ARFGAP2: variants seen among roughly 807,000 people sequenced by gnomAD.
ARFGAP2 encodes ARF GTPase activating protein 2.
Under a neutral mutation model 71.9 loss-of-function variants are expected in ARFGAP2, and 45 were observed. The ratio of observed to expected loss-of-function variants is 0.63; its 90% CI spans 0.49 to 0.80. The LOEUF is 0.80. Ranked by LOEUF, ARFGAP2 falls within the 30% of genes least tolerant of loss-of-function variation. The pLI is 0.00. For missense variants in ARFGAP2, 633 were observed against 673.9 expected (o/e 0.94, Z 0.67); for synonymous variants, 248 against 249.2 (o/e 1.00, Z 0.05).
At chr11:47,175,668 G>C in intron 3 of ARFGAP2, 183 bp downstream of exon 3, 1 of 703,860 alleles carries the variant, frequency 1.4e-6, no homozygotes, top group African/African-American at 1.8e-5. Flanking sequence ...AGTTTAATTG[G>C]AATCTGAAAC....
At chr11:47,171,873 A>G (rs1197449175) in intron 8 of ARFGAP2, 73 bp from the exon 9 acceptor site, 1 of 1,569,182 alleles carries the variant, frequency 6.4e-7, no homozygotes. Flanking sequence ...CAGGCACTGT[A>G]GCCACACCCA....
chr11:47,171,453 C>A lies in ARFGAP2; in HGVS notation c.914G>T (p.Arg305Met). 1 of 1,614,256 alleles carries A rather than the reference C, an allele frequency of 6.2e-7. No homozygotes were observed. Among genetic ancestry groups the A allele is most frequent in the Non-Finnish European group, 8.5e-7 (1 of 1,180,038 alleles). Reference protein sequence around the residue: ...LEGKKREQAERLGMGLVSRSS... With the variant: ...LEGKKREQAEMLGMGLVSRSS... ...TCGGGATACCAAGCCCATGCCCAAC[C>A]TTTCTGCCTGCTCTCGCTTCTTCCC... Residue 305 changes from arginine (R) to methionine (M), a missense_variant, in exon 10 of 16, where the codon AGG (arginine) becomes ATG (methionine). Arg to Met is a moderately conservative substitution (Grantham distance 91). Coordinates refer to ENST00000524782, the MANE Select transcript of ARFGAP2 (RefSeq NM_032389.6).
chr11:47,166,927 T>A (rs746821233), intron 12 of ARFGAP2, 41 bp from the exon 13 acceptor site: 3 of 1,597,776 alleles, frequency 1.9e-6, no homozygotes, highest in African/African-American at 1.3e-5. Flanking sequence ...CCTCCCATTA[T>A]CATCAGGGGA....
At position 47,173,790 on chromosome 11, in the gene ARFGAP2, T is replaced by A; in HGVS notation, c.531A>T (p.Pro177=). The change falls in exon 6 of 16, where the codon CCA becomes CCT. Residue 177 remains proline (P), a synonymous_variant. Coordinates refer to ENST00000524782, the MANE Select transcript of ARFGAP2 (RefSeq NM_032389.6). ...PATEPSGTQQ[P]APSTESSGLA... is the part of the protein sequence containing the mutation. Reference sequence around the variant, plus strand: ...GGCCACTGCTCTCTGTAGACGGGGCTGGCTGCTGGGTCCCTGAAGGCTCAG... The same window carrying A: ...GGCCACTGCTCTCTGTAGACGGGGCAGGCTGCTGGGTCCCTGAAGGCTCAG... 6.2e-7 allele frequency: 1 copy of A among 1,605,816 alleles called. No homozygotes were observed. Among genetic ancestry groups the A allele is most frequent in the Non-Finnish European group, 8.5e-7 (1 of 1,176,260 alleles).
At chr11:47,176,001 G>A (rs1346895273) in intron 2 of ARFGAP2, 78 bp from the exon 3 acceptor site, 9 of 1,476,342 alleles carry the variant, frequency 6.1e-6, no homozygotes, top group South Asian at 2.4e-5. Flanking sequence ...CTGTCACTTG[G>A]CCTCAGGCTG....
intron 7 of ARFGAP2, 44 bp from the exon 8 acceptor site, chr11:47,172,377 C>CAG: frequency 1.9e-6 from 3 of 1,605,586 alleles, no homozygotes; most frequent in Non-Finnish European, 2.6e-6. Flanking sequence ...AAAGGCAGCT[C>CAG]AGAGGCAGTA....
chr11:47,167,768 A>G, intron 12 of ARFGAP2, 141 bp downstream of exon 12: 1 of 1,047,998 alleles, frequency 9.5e-7, no homozygotes, highest in African/African-American at 1.6e-5. Context: ...GCCACATAGT[A>G]GTGGCTACCA....
intron 6 of ARFGAP2, 78 bp from the exon 7 acceptor site, chr11:47,173,560 G>GA (rs1952679511): frequency 6.8e-7 from 1 of 1,473,654 alleles, no homozygotes; most frequent in African/African-American, 1.4e-5. Context: ...GATGGGACAA[G>GA]AATCGGTGGC....
intron 15 of ARFGAP2, 134 bp downstream of exon 15, chr11:47,166,133 AT>A: frequency 1.2e-6 from 1 of 847,796 alleles, no homozygotes; most frequent in Non-Finnish European, 1.9e-6. Flanking sequence ...CAGTGCTGGG[AT>A]TACAGGCGTG....
intron 10 of ARFGAP2, 126 bp from the exon 11 acceptor site, chr11:47,168,377 C>G: frequency 7.5e-7 from 1 of 1,332,330 alleles, no homozygotes; most frequent in Non-Finnish European, 1.0e-6. Context: ...TGTCCTTACC[C>G]AAGCACAGGG....
At position 47,175,321 on chromosome 11, in the gene ARFGAP2, G is replaced by A. The variant is rs773379352; in HGVS notation, c.265-8C>T. On this transcript the variant is annotated splice_region_variant and splice_polypyrimidine_tract_variant and intron_variant, in intron 3 of 15. Transcript: ENST00000524782. ...TTGGCGAAAAAAAGCCGTCTGGAGA[G>A]CAAAGAAGAGAGCAGCGCGTGCTAC... The A allele has an allele frequency of 1.9e-6, 3 of 1,614,096 alleles. No individual in the cohort carries two copies. The highest frequency in any genetic ancestry group is 2.2e-5 in the East Asian group (1 of 44,888).
At chr11:47,172,254 T>C (rs1166571774) in intron 8 of ARFGAP2, 27 bp downstream of exon 8, 1 of 1,612,616 alleles carries the variant, frequency 6.2e-7, no homozygotes, top group Non-Finnish European at 8.5e-7. Context: ...TCCTAACCCC[T>C]CTACCATACC....
intron 10 of ARFGAP2, among the ~76,000 whole-genome samples, chr11:47,170,255 C>T (rs1267956978): frequency 3.7e-5 from 5 of 136,936 alleles, no homozygotes; most frequent in Non-Finnish European, 6.1e-5. Context: ...ATCTGGGAGG[C>T]GGAGGCTGCA....
chr11:47,166,516 A>C lies in ARFGAP2; in HGVS notation c.1416T>G (p.Ala472=). 1 of 1,612,852 alleles carries C rather than the reference A, an allele frequency of 6.2e-7. No homozygotes were observed. Among genetic ancestry groups the C allele is most frequent in the Non-Finnish European group, 8.5e-7 (1 of 1,179,994 alleles). ...CCACCAGGGCCCTACCTGCTCCGTG[A>C]GCTCCATCCATGTCCCCAAAGAGGT... The part of the protein sequence containing the change: ...SSDLFGDMDG[A]HGAGSVSLGN... The change falls in exon 14 of 16, where the codon GCT becomes GCG. Residue 472 remains alanine, a synonymous_variant. Coordinates refer to ENST00000524782, the MANE Select transcript of ARFGAP2 (RefSeq NM_032389.6).
At chr11:47,170,317 C>T (rs1434561906) in intron 10 of ARFGAP2, among the ~76,000 whole-genome samples, 14 of 107,544 alleles carry the variant, frequency 1.3e-4, no homozygotes, top group East Asian at 5.9e-4. Context: ...GAGCAAGACT[C>T]CATCTCAAAA....
In ARFGAP2 at chr11:47,175,232, C is replaced by G; in HGVS notation, c.346G>C (p.Glu116Gln). 1 of 1,614,184 alleles carries G rather than the reference C, an allele frequency of 6.2e-7. No individual in the cohort carries two copies. The change falls in exon 4 of 16, where the codon GAG becomes CAG. Residue 116 changes from glutamate to glutamine, a missense_variant. Transcript: ENST00000524782. ...YNSRAAQMYREKIRQLGSAAL... is the reference protein window; with the variant it reads ...YNSRAAQMYRQKIRQLGSAAL... ...GCACTCCCCAGCTGCCGGATCTTCT[C>G]CCGGTACATCTGGGCAGCTCGGCTA...
chr11:47,176,542 G>A lies in ARFGAP2; in HGVS notation c.165C>T (p.Ser55=), dbSNP rs553169065. ...LCIDCSGVHR[S]LGVHLSFIRS... ...TGATGAAGCTCAGATGGACGCCCAGGGAGCGGTGCACCCCGGAACAGTCAA... is the reference window on the plus strand; with the variant it reads ...TGATGAAGCTCAGATGGACGCCCAGAGAGCGGTGCACCCCGGAACAGTCAA... Residue 55 remains serine (S), a synonymous_variant, in exon 2 of 16, where the codon TCC becomes TCT. Coordinates refer to ENST00000524782, the MANE Select transcript of ARFGAP2 (RefSeq NM_032389.6). The A allele has an allele frequency of 5.6e-6, 9 of 1,613,796 alleles. No individual in the cohort carries two copies. The highest frequency in any genetic ancestry group is 5.0e-5 in the Admixed American group (3 of 60,024).
At chr11:47,172,154 G>C (rs1378677005) in intron 8 of ARFGAP2, 127 bp downstream of exon 8, 1 of 956,078 alleles carries the variant, frequency 1.0e-6, no homozygotes, top group East Asian at 2.4e-5. Context: ...TTTCACAGGC[G>C]AGGTTCGGAG....
intron 2 of ARFGAP2, 22 bp downstream of exon 2, chr11:47,176,494 G>T (rs771130120): frequency 5.0e-6 from 8 of 1,609,484 alleles, no homozygotes; most frequent in Non-Finnish European, 6.8e-6. Flanking sequence ...GTGGAAACAC[G>T]GCAACCGCGC....
Sources: allele counts gnomAD v4.1 joint callset (sites outside exome capture counted in the v4.1 genomes callset), GRCh38; gene constraint gnomAD v4.1.1; transcripts MANE v1.5; gene names NCBI Gene and HGNC (gene_info 2026-07-23, HGNC 2026-07-21).